LCA5: variants seen among roughly 807,000 people sequenced by gnomAD.
LCA5 encodes lebercilin.
Under a neutral mutation model 53.0 loss-of-function variants are expected in LCA5, and 37 were observed. The observed-to-expected ratio is 0.70, with a 90% CI of 0.54 to 0.92. The LOEUF is 0.92. LCA5 is among the 40% of genes least tolerant of loss of function. The pLI is 0.00. For synonymous variants in LCA5, 303 were observed against 282.9 expected, an observed-to-expected ratio of 1.07 and a Z score of -0.71; for missense variants, 806 against 790.5, an observed-to-expected ratio of 1.02 and a Z score of -0.23.
upstream of LCA5, among the ~76,000 whole-genome samples, chr6:79,538,038 T>TG (rs1767211105): frequency 1.4e-5 from 2 of 138,548 alleles, no homozygotes; most frequent in South Asian, 4.6e-4. Flanking sequence ...TTTTTTTTTT[T>TG]TTTTTTTTTT....
chr6:79,514,959 A>T (rs1582641950), intron 2 of LCA5, among the ~76,000 whole-genome samples: 1 of 152,216 alleles, frequency 6.6e-6, no homozygotes, highest in East Asian at 1.9e-4. Flanking sequence ...ACAAACCCCC[A>T]TAACACATGT....
chr6:79,526,883 G>T (rs1346926350), intron 1 of LCA5, among the ~76,000 whole-genome samples: 1 of 152,038 alleles, frequency 6.6e-6, no homozygotes, highest in Non-Finnish European at 1.5e-5. Context: ...CCTATATTTT[G>T]GCAGAGCTAC....
In LCA5 at chr6:79,529,896, A is replaced by G. The variant is rs569814041; in HGVS notation, c.-192+7269T>C. Among the ~76,000 whole-genome samples the G allele has an allele frequency of 3.1e-3, 453 of 147,808 alleles. 2 individuals carry two copies. The highest frequency in any genetic ancestry group is 0.012 in the South Asian group (54 of 4,568). On this transcript the variant is annotated intron_variant, in intron 1 of 7. Coordinates refer to ENST00000369846, the MANE Select transcript of LCA5 (RefSeq NM_001122769.3). ...CCGCATGTTCTCACTTATAGGCGGG[A>G]ACTGAACAATGAGAACACTTGGACA...
Position 79,489,210 on chromosome 6 carries a change from G to T in LCA5, c.1105C>A (p.Gln369Lys), listed in dbSNP as rs1769766623. 1.9e-6 allele frequency: 3 copies of T among 1,610,936 alleles called. No homozygotes were observed. The highest frequency in any genetic ancestry group is 1.7e-5 in the Admixed American group (1 of 59,842). ...CCATGCCTGTCTTGCTTTTGAGATTGCAAGTCCTATTATACGTTAAAAAAA... is the reference window on the plus strand; with the variant it reads ...CCATGCCTGTCTTGCTTTTGAGATTTCAAGTCCTATTATACGTTAAAAAAA... ...EEPGHLTLDLQSQKQDRHGEA... is the reference protein window; with the variant it reads ...EEPGHLTLDLKSQKQDRHGEA... The change falls in exon 7 of 8, where the codon CAA becomes AAA. Residue 369 changes from glutamine to lysine, a missense_variant. Transcript: ENST00000369846.
At chr6:79,488,776 A>C in intron 7 of LCA5, 1 of 443,564 alleles carries the variant, frequency 2.3e-6, no homozygotes, top group Non-Finnish European at 3.9e-6. Flanking sequence ...ATGTAAGAAC[A>C]CCACAAGTAT....
At chr6:79,511,630 T>A (rs1770412462) in intron 3 of LCA5, among the ~76,000 whole-genome samples, 1 of 152,164 alleles carries the variant, frequency 6.6e-6, no homozygotes, top group African/African-American at 2.4e-5. Flanking sequence ...GAAAGCTGAG[T>A]GCAGTTGATG....
At chr6:79,491,818 ATGTG>A (rs1769852390) in intron 5 of LCA5, 88 bp from the exon 6 acceptor site, 2 of 1,098,280 alleles carry the variant, frequency 1.8e-6, no homozygotes, top group Non-Finnish European at 2.7e-6. Flanking sequence ...ATATATATGC[ATGTG>A]TGTTTGCATA....
At chr6:79,518,309 T>G (rs1416362050) in intron 2 of LCA5, among the ~76,000 whole-genome samples, 1 of 152,128 alleles carries the variant, frequency 6.6e-6, no homozygotes, top group Non-Finnish European at 1.5e-5. Context: ...ACTCAATCTA[T>G]TAAAAAGTCC....
intron 1 of LCA5, among the ~76,000 whole-genome samples, chr6:79,531,521 C>T (rs1435678766): frequency 6.6e-6 from 1 of 152,104 alleles, no homozygotes; most frequent in African/African-American, 2.4e-5. Context: ...CCGACCATTT[C>T]CTTTTGAACC....
intron 3 of LCA5, among the ~76,000 whole-genome samples, chr6:79,498,705 A>G (rs1242858313): frequency 6.6e-6 from 1 of 152,080 alleles, no homozygotes; most frequent in African/African-American, 2.4e-5. Flanking sequence ...TAAAATATTA[A>G]GAAGAATTTT....
At chr6:79,513,857 G>T in intron 2 of LCA5, 116 bp from the exon 3 acceptor site, 1 of 973,316 alleles carries the variant, frequency 1.0e-6, no homozygotes, top group Non-Finnish European at 1.6e-6. Context: ...CTTTAAGAAA[G>T]GATTTTACAA....
chr6:79,508,113 A>C (rs1770316907), intron 3 of LCA5, among the ~76,000 whole-genome samples: 1 of 152,188 alleles, frequency 6.6e-6, no homozygotes, highest in Non-Finnish European at 1.5e-5. Flanking sequence ...GTAAGTATAC[A>C]CACTGAGGTA....
intron 1 of LCA5, among the ~76,000 whole-genome samples, chr6:79,528,113 TA>T (rs1766845258): frequency 6.6e-6 from 1 of 152,130 alleles, no homozygotes; most frequent in Admixed American, 6.5e-5. Context: ...TCCTCTAGGA[TA>T]AAATATCAAT....
chr6:79,527,214 G>A (rs532727364), intron 1 of LCA5, among the ~76,000 whole-genome samples: 43 of 152,200 alleles, frequency 2.8e-4, no homozygotes, highest in Admixed American at 2.5e-3. Context: ...ACAGACCCCA[G>A]AAGGGAGGGG....
chr6:79,536,742 GGCCCT>G (rs2127693797), intron 1 of LCA5, among the ~76,000 whole-genome samples: 1 of 152,214 alleles, frequency 6.6e-6, no homozygotes, highest in South Asian at 2.1e-4. Flanking sequence ...CTTGGCCCTT[GGCCCT>G]GCCCCTCCTC....
At chr6:79,538,180 T>G (rs1767216846), upstream of LCA5, among the ~76,000 whole-genome samples, 1 of 151,988 alleles carries the variant, frequency 6.6e-6, no homozygotes, top group South Asian at 2.1e-4. Flanking sequence ...GTGAGGGCTT[T>G]AAACTGCTCC....
chr6:79,518,687 CTT>C lies in LCA5; in HGVS notation c.190+16_190+17del, dbSNP rs910823721. The C allele has an allele frequency of 1.4e-5, 22 of 1,613,216 alleles. No homozygotes were observed. The African/African-American group carries it at 1.6e-4, about 12-fold the overall frequency. On this transcript the variant is annotated intron_variant, in intron 2 of 7. Transcript: ENST00000369846. ...ATGAGTCTTCTAGGTCCACCAGACTCTTTTAAAGAATGCTTACCTTGGTGATG... is the reference window on the plus strand; with the variant it reads ...ATGAGTCTTCTAGGTCCACCAGACTCTTAAAGAATGCTTACCTTGGTGATG...
In LCA5 at chr6:79,487,881, A is replaced by T. The variant is rs762316638; in HGVS notation, c.1232-15T>A. 48 of 1,581,596 alleles carry T rather than the reference A, an allele frequency of 3.0e-5. No individual in the cohort carries two copies. In the East Asian group the frequency reaches 5.2e-4, roughly 17 times the overall value. On this transcript the variant is annotated splice_polypyrimidine_tract_variant and intron_variant, in intron 7 of 7. Transcript: ENST00000369846. ...TCTTTCCCATTCTGTATGAAATCAA[A>T]TTTTTTAAATGGGATTTTGTAACAG...
Position 79,487,418 on chromosome 6 carries a change from A to C in LCA5, c.1680T>G (p.Phe560Leu), listed in dbSNP as rs754112188. The change falls in exon 8 of 8, where the codon TTT becomes TTG. Residue 560 changes from phenylalanine to leucine, a missense_variant. Phe to Leu is a conservative substitution (Grantham distance 22, BLOSUM62 0). Coordinates refer to ENST00000369846, the MANE Select transcript of LCA5 (RefSeq NM_001122769.3). ...EFAFGSYVPSFAKTSERSNPF... is the reference protein window; with the variant it reads ...EFAFGSYVPSLAKTSERSNPF... The stretch of plus-strand genomic sequence containing the variant: ...GATTTGACCTCTCTGATGTTTTTGC[A>C]AACGAAGGCACGTAGCTACCAAATG... 1 of 1,612,766 alleles carries C rather than the reference A, an allele frequency of 6.2e-7. No homozygotes were observed. The highest frequency in any genetic ancestry group is 2.2e-5 in the East Asian group (1 of 44,878).
Sources: gnomAD v4.1 joint callset for allele counts (sites outside exome capture counted in the v4.1 genomes callset) on GRCh38, gnomAD v4.1.1 for gene constraint, MANE v1.5 for transcripts, NCBI Gene and HGNC (gene_info 2026-07-23, HGNC 2026-07-21) for gene names.